Variants in MRPL48 observed in about 807,000 individuals in gnomAD.
The protein encoded by MRPL48 is mitochondrial ribosomal protein L48.
Under a neutral mutation model 32.9 loss-of-function variants are expected in MRPL48, and 16 were observed. The ratio of observed to expected loss-of-function variants is 0.49; its 90% confidence interval spans 0.33 to 0.74. The LOEUF is 0.74. Ranked by LOEUF, MRPL48 falls within the 30% of genes least tolerant of loss-of-function variation. The pLI is 0.02. For synonymous variants in MRPL48, 94 were observed against 89.2 expected, an observed-to-expected ratio of 1.05 and a Z score of -0.31; for missense variants, 206 against 245.3, an observed-to-expected ratio of 0.84 and a Z score of 1.07.
intron 5 of MRPL48, among the ~76,000 whole-genome samples, chr11:73,854,745 T>G (rs1948458140): frequency 6.6e-6 from 1 of 152,188 alleles, no homozygotes; most frequent in African/African-American, 2.4e-5. Context: ...TTTAAAAAAC[T>G]CAGCTGTAAT....
chr11:73,850,353 G>T (rs1948366310), intron 5 of MRPL48: 1 of 154,596 alleles, frequency 6.5e-6, no homozygotes, highest in African/African-American at 2.6e-5. Context: ...AAAAGGTCTT[G>T]GACTGTTGTT....
At chr11:73,804,959 C>T (rs750369752) in intron 1 of MRPL48, 68 bp from the exon 2 acceptor site, 12 of 1,473,774 alleles carry the variant, frequency 8.1e-6, no homozygotes, top group Non-Finnish European at 1.0e-5. Flanking sequence ...TTTCTTGCCT[C>T]TCTGAGAAGA....
chr11:73,841,690 T>C (rs1339474579), intron 4 of MRPL48, among the ~76,000 whole-genome samples: 1 of 152,186 alleles, frequency 6.6e-6, no homozygotes, highest in Non-Finnish European at 1.5e-5. Flanking sequence ...GGGTACTGAT[T>C]ACAGAGGTAC....
intron 7 of MRPL48, 41 bp from the exon 8 acceptor site, chr11:73,864,255 T>C: frequency 6.3e-7 from 1 of 1,578,856 alleles, no homozygotes; most frequent in Non-Finnish European, 8.6e-7. Context: ...AACTAAAAGC[T>C]CTGCAGTAAT....
At chr11:73,847,613 T>C (rs1368411858) in intron 5 of MRPL48, among the ~76,000 whole-genome samples, 2 of 151,998 alleles carry the variant, frequency 1.3e-5, no homozygotes, top group African/African-American at 4.8e-5. Context: ...GCTAATTTTG[T>C]TTTTGTATTT....
intron 1 of MRPL48, among the ~76,000 whole-genome samples, chr11:73,793,151 TG>T (rs1459338416): frequency 6.6e-6 from 1 of 152,176 alleles, no homozygotes; most frequent in Non-Finnish European, 1.5e-5. Flanking sequence ...CTACAACCTC[TG>T]CCTCCTGGGT....
intron 3 of MRPL48, among the ~76,000 whole-genome samples, chr11:73,810,534 A>G (rs1244225712): frequency 6.7e-6 from 1 of 149,342 alleles, no homozygotes; most frequent in Non-Finnish European, 1.5e-5. Context: ...AAAAGAAAAA[A>G]GAAATAAGGA....
intron 1 of MRPL48, among the ~76,000 whole-genome samples, chr11:73,798,223 G>C (rs1047323491): frequency 9.2e-5 from 14 of 151,892 alleles, no homozygotes; most frequent in Non-Finnish European, 1.8e-4. Flanking sequence ...GATTACAGGC[G>C]CCCACCACTG....
At chr11:73,812,908 C>T (rs1010586089) in intron 3 of MRPL48, among the ~76,000 whole-genome samples, 6 of 151,332 alleles carry the variant, frequency 4.0e-5, no homozygotes, top group Non-Finnish European at 1.5e-5. Context: ...CGCCACCATG[C>T]CTGGCTAATT....
intron 4 of MRPL48, among the ~76,000 whole-genome samples, chr11:73,841,936 T>C (rs1590987553): frequency 6.6e-6 from 1 of 150,660 alleles, no homozygotes; most frequent in East Asian, 1.9e-4. Context: ...GATACTAGTT[T>C]TTGGGGGGGG....
chr11:73,855,949 CTAT>C (rs1489293177), intron 5 of MRPL48, among the ~76,000 whole-genome samples: 1 of 152,130 alleles, frequency 6.6e-6, no homozygotes, highest in East Asian at 1.9e-4. Context: ...AATTACTTGA[CTAT>C]TATTGGTCTT....
chr11:73,850,307 A>G (rs1289654078), intron 5 of MRPL48, among the ~76,000 whole-genome samples: 2 of 151,584 alleles, frequency 1.3e-5, no homozygotes, highest in Admixed American at 6.6e-5. Context: ...AGAATTATTT[A>G]TACTTGAGGT....
chr11:73,839,211 G>A (rs1337678662), intron 4 of MRPL48, among the ~76,000 whole-genome samples: 1 of 152,122 alleles, frequency 6.6e-6, no homozygotes, highest in East Asian at 1.9e-4. Flanking sequence ...CCTCAAATTG[G>A]CTTCCTGCTC....
intron 1 of MRPL48, among the ~76,000 whole-genome samples, chr11:73,794,583 G>T (rs1947215684): frequency 2.0e-5 from 3 of 151,758 alleles, no homozygotes; most frequent in Admixed American, 2.0e-4. Flanking sequence ...TTTAAATCAG[G>T]TCAGACAAAC....
At chr11:73,845,385 A>G (rs911821266) in intron 5 of MRPL48, among the ~76,000 whole-genome samples, 5 of 152,196 alleles carry the variant, frequency 3.3e-5, no homozygotes, top group African/African-American at 1.2e-4. Flanking sequence ...CAGCTTAACT[A>G]TTTTTAACTG....
intron 1 of MRPL48, among the ~76,000 whole-genome samples, chr11:73,798,373 T>C (rs188887740): frequency 3.5e-4 from 53 of 152,182 alleles, no homozygotes; most frequent in African/African-American, 1.2e-3. Flanking sequence ...GGATTACACA[T>C]GTGAGCCACC....
chr11:73,810,427 A>C (rs963945973), intron 3 of MRPL48, among the ~76,000 whole-genome samples: 2 of 152,174 alleles, frequency 1.3e-5, no homozygotes, highest in African/African-American at 4.8e-5. Flanking sequence ...AGGCTGAGGC[A>C]GGAGAACCGC....
chr11:73,805,470 T>G (rs1002430668), intron 2 of MRPL48, among the ~76,000 whole-genome samples: 36 of 151,468 alleles, frequency 2.4e-4, no homozygotes, highest in Admixed American at 7.3e-4. Flanking sequence ...CTAATTTTTG[T>G]ATTTTTGTAG....
At chr11:73,788,559 C>A (rs767720195) in intron 1 of MRPL48, among the ~76,000 whole-genome samples, 17 of 145,864 alleles carry the variant, frequency 1.2e-4, no homozygotes, top group Non-Finnish European at 2.1e-4. Context: ...CCACAACCTT[C>A]GCCTTCCGGG....
Sources: allele counts gnomAD v4.1 joint callset (sites outside exome capture counted in the v4.1 genomes callset), GRCh38; gene constraint gnomAD v4.1.1; transcripts MANE v1.5; gene names NCBI Gene and HGNC (gene_info 2026-07-23, HGNC 2026-07-21).